The following DECR1 variants were observed in gnomAD, a reference collection of about 807,000 sequenced individuals.
DECR1 encodes the protein 2,4-dienoyl-CoA reductase [(3E)-enoyl-CoA-producing], mitochondrial.
A neutral mutation model predicts 38.8 loss-of-function variants in DECR1; 44 were observed. The ratio of observed to expected loss-of-function variants is 1.13; its 90% CI spans 0.89 to 1.46. The LOEUF (loss-of-function observed/expected upper bound fraction) is 1.46. DECR1 is among the 40% of genes most tolerant of loss of function. DECR1 has a pLI of 0.00. For synonymous variants in DECR1, 148 were observed against 135.2 expected (o/e 1.09, Z -0.66); for missense variants, 428 against 405.5 (o/e 1.06, Z -0.48).
rs141677609 is a variant in DECR1 at position 90,037,603 on chromosome 8, C to T, written c.665+663C>T. On this transcript the variant is annotated intron_variant, in intron 6 of 9. Transcript: ENST00000220764. ...CTGGGACTACAAGCAGGTGCCACAG[C>T]GCCTGGCTAATTTTTAAAATTTTTT... Among the ~76,000 whole-genome samples the T allele has an allele frequency of 9.6e-4, 146 of 152,046 alleles. 1 individual carries two copies. The East Asian group carries it at 0.024, about 25-fold the overall frequency.
At chr8:90,008,175 A>G (rs1812790077) in intron 1 of DECR1, among the ~76,000 whole-genome samples, 1 of 152,146 alleles carries the variant, frequency 6.6e-6, no homozygotes, top group South Asian at 2.1e-4. Context: ...ATTATCCTCA[A>G]TGCTCCAACT....
At chr8:90,004,645 TTTTC>T (rs1159957103) in intron 1 of DECR1, among the ~76,000 whole-genome samples, 5 of 152,192 alleles carry the variant, frequency 3.3e-5, no homozygotes, top group African/African-American at 2.4e-5. Flanking sequence ...ACTAGATGTG[TTTTC>T]TTTATTTTTT....
At chr8:90,033,666 T>G (rs1208839225) in intron 5 of DECR1, among the ~76,000 whole-genome samples, 5 of 152,156 alleles carry the variant, frequency 3.3e-5, no homozygotes, top group Non-Finnish European at 2.9e-5. Flanking sequence ...CTGCAGTATA[T>G]TATTCTAAGA....
At chr8:90,006,025 G>A in intron 1 of DECR1, 1 of 601,702 alleles carries the variant, frequency 1.7e-6, no homozygotes, top group Non-Finnish European at 3.0e-6. Flanking sequence ...AAACTCACTT[G>A]CCACTGCCAG....
chr8:90,015,497 TC>T, intron 1 of DECR1: 2 of 356,592 alleles, frequency 5.6e-6, no homozygotes, highest in Non-Finnish European at 1.1e-5. Flanking sequence ...TTCTTTTTTT[TC>T]ATTTAACATC....
intron 6 of DECR1, among the ~76,000 whole-genome samples, chr8:90,040,393 T>G (rs946309729): frequency 1.3e-5 from 2 of 152,202 alleles, no homozygotes; most frequent in African/African-American, 2.4e-5. Flanking sequence ...TACCCTATTC[T>G]GTAGAACTGG....
intron 5 of DECR1, among the ~76,000 whole-genome samples, chr8:90,032,992 TGTTCCTGTTTTACAGG>T (rs1563644033): frequency 6.6e-6 from 1 of 152,200 alleles, no homozygotes; most frequent in Non-Finnish European, 1.5e-5. Flanking sequence ...ATACGCCCTA[TGTTCCTGTTTTACAGG>T]TGATAAATCT....
At chr8:90,026,218 C>T (rs958315908) in intron 5 of DECR1, among the ~76,000 whole-genome samples, 1 of 152,200 alleles carries the variant, frequency 6.6e-6, no homozygotes, top group African/African-American at 2.4e-5. Context: ...GCTTTGGTAT[C>T]AGGATGATAC....
At chr8:90,048,484 T>G (rs1207479990) in intron 8 of DECR1, among the ~76,000 whole-genome samples, 1 of 151,972 alleles carries the variant, frequency 6.6e-6, no homozygotes, top group Non-Finnish European at 1.5e-5. Flanking sequence ...AGACTAAACC[T>G]GGAAGAAGTT....
intron 8 of DECR1, among the ~76,000 whole-genome samples, chr8:90,049,621 A>G (rs1370409223): frequency 6.6e-6 from 1 of 152,250 alleles, no homozygotes; most frequent in Non-Finnish European, 1.5e-5. Context: ...TTATAGATTC[A>G]GTGCCATCCC....
At chr8:90,006,781 A>G (rs143417499) in intron 1 of DECR1, among the ~76,000 whole-genome samples, 1 of 152,310 alleles carries the variant, frequency 6.6e-6, no homozygotes, top group Non-Finnish European at 1.5e-5. Context: ...TCCAAACACC[A>G]GTGATGAGGG....
At position 90,053,292 on chromosome 8, in the gene DECR1, C is replaced by T. The variant is rs1241067778; in HGVS notation, c.*1395C>T. On this transcript the variant is annotated 3_prime_UTR_variant, in exon 10 of 10. Coordinates refer to ENST00000220764, the MANE Select transcript of DECR1 (RefSeq NM_001359.2). ...TCATAGTTCAGCATGGCTAGGGAGG[C>T]CTCACAATCATGGCAGAAGGTGAGT... Among the ~76,000 whole-genome samples the T allele has an allele frequency of 6.6e-6, 1 of 152,144 alleles. No individual in the cohort carries two copies. Among genetic ancestry groups the T allele is most frequent in the Non-Finnish European group, 1.5e-5 (1 of 68,026 alleles).
In DECR1 at chr8:90,005,799, A is replaced by G. The variant is rs1303736091; in HGVS notation, c.69+4238A>G. On this transcript the variant is annotated intron_variant, in intron 1 of 9. Transcript: ENST00000220764. ...TGCCTGGACAAGTTCAAGACTGGGCATCTGCATCTGGTGACGGCCTAAGGC... is the reference window on the plus strand; with the variant it reads ...TGCCTGGACAAGTTCAAGACTGGGCGTCTGCATCTGGTGACGGCCTAAGGC... The G allele has an allele frequency of 1.3e-5, 4 of 303,738 alleles. No homozygotes were observed. The East Asian group carries it at 2.4e-4, about 18-fold the overall frequency. The allele number at this position is 303,738 out of a possible 1,614,324, so 18.8% of individuals were successfully genotyped here.
At chr8:90,044,828 A>G in intron 7 of DECR1, 21 bp from the exon 8 acceptor site, 11 of 1,598,712 alleles carry the variant, frequency 6.9e-6, no homozygotes, top group Non-Finnish European at 9.4e-6. Context: ...ACACAACCTA[A>G]TTGTTTTCTT....
At chr8:90,027,607 T>C (rs1195671313) in intron 5 of DECR1, among the ~76,000 whole-genome samples, 2 of 152,178 alleles carry the variant, frequency 1.3e-5, no homozygotes, top group Non-Finnish European at 2.9e-5. Context: ...TGAGCCTATG[T>C]GTGTCTCTGC....
At chr8:90,047,347 G>C (rs1813937456) in intron 8 of DECR1, among the ~76,000 whole-genome samples, 1 of 151,554 alleles carries the variant, frequency 6.6e-6, no homozygotes, top group Admixed American at 6.6e-5. Context: ...ACCCTACCAA[G>C]CAAATGGAAA....
chr8:90,040,317 C>T (rs929904090), intron 6 of DECR1, among the ~76,000 whole-genome samples: 15 of 152,074 alleles, frequency 9.9e-5, no homozygotes, highest in African/African-American at 3.6e-4. Context: ...GAGATACAGC[C>T]CACCCATTTC....
At chr8:90,033,252 A>G (rs1394261238) in intron 5 of DECR1, among the ~76,000 whole-genome samples, 1 of 152,202 alleles carries the variant, frequency 6.6e-6, no homozygotes, top group Admixed American at 6.5e-5. Flanking sequence ...CTTTTTTGAT[A>G]GATAATATGA....
intron 1 of DECR1, among the ~76,000 whole-genome samples, chr8:90,016,083 A>G (rs1318817613): frequency 6.6e-6 from 1 of 152,226 alleles, no homozygotes; most frequent in African/African-American, 2.4e-5. Flanking sequence ...TAATGTGAGT[A>G]CAAGCTGTTA....
Sources: gnomAD v4.1 joint callset for allele counts (sites outside exome capture counted in the v4.1 genomes callset) on GRCh38, gnomAD v4.1.1 for gene constraint, MANE v1.5 for transcripts, NCBI Gene and HGNC (gene_info 2026-07-23, HGNC 2026-07-21) for gene names.